Variants in EFCAB6 observed in about 807,000 individuals in gnomAD.
The protein encoded by EFCAB6 is EF-hand calcium-binding domain-containing protein 6.
EFCAB6 carries 156 observed loss-of-function variants against 169.8 expected under a neutral mutation model. The observed-to-expected ratio is 0.92, with a 90% confidence interval of 0.81 to 1.05. The LOEUF (loss-of-function observed/expected upper bound fraction) is 1.05, where lower values mean the gene tolerates loss of function less well. Among genes scored for constraint, EFCAB6 ranks in the 50% least tolerant of loss-of-function variants. The probability of loss-of-function intolerance (pLI) is 0.00; values close to 1 mark genes in which losing one functional copy is unlikely to be tolerated. For synonymous variants in EFCAB6, 698 were observed against 676.4 expected (o/e 1.03, Z -0.50); for missense variants, 1,800 against 1,829.1 (o/e 0.98, Z 0.29).
At chr22:43,547,001 T>C (rs2048096117) in intron 27 of EFCAB6, among the ~76,000 whole-genome samples, 1 of 151,862 alleles carries the variant, frequency 6.6e-6, no homozygotes, top group Non-Finnish European at 1.5e-5. Flanking sequence ...CTAAAGGAAA[T>C]ACTTCACGGA....
intron 23 of EFCAB6, among the ~76,000 whole-genome samples, chr22:43,590,981 G>A (rs367737254): frequency 6.6e-6 from 1 of 150,846 alleles, no homozygotes; most frequent in East Asian, 1.9e-4. Flanking sequence ...TGTTTTGTTT[G>A]TTTTTTTTTA....
intron 17 of EFCAB6, among the ~76,000 whole-genome samples, chr22:43,639,822 CTCTT>C (rs1447869111): frequency 2.0e-5 from 3 of 152,044 alleles, no homozygotes; most frequent in Non-Finnish European, 4.4e-5. Flanking sequence ...ACACTATTCT[CTCTT>C]TCTCTCTCTT....
intron 18 of EFCAB6, among the ~76,000 whole-genome samples, 175 bp from the exon 19 acceptor site, chr22:43,632,413 C>T (rs769002978): frequency 2.0e-5 from 3 of 151,738 alleles, no homozygotes; most frequent in Non-Finnish European, 4.4e-5. Context: ...GAGTCTCCTG[C>T]CTCAGCCTCC....
At chr22:43,681,470 G>T (rs1411411490) in intron 12 of EFCAB6, among the ~76,000 whole-genome samples, 1 of 152,186 alleles carries the variant, frequency 6.6e-6, no homozygotes, top group Non-Finnish European at 1.5e-5. Flanking sequence ...TGGCCTCAGA[G>T]AATGAGTCTG....
chr22:43,772,378 G>A (rs2061499409), intron 4 of EFCAB6, among the ~76,000 whole-genome samples: 2 of 152,200 alleles, frequency 1.3e-5, no homozygotes, highest in South Asian at 4.1e-4. Flanking sequence ...AGTGGCTCAT[G>A]CCTGTAATCC....
chr22:43,658,111 C>A (rs1299581972), intron 17 of EFCAB6, among the ~76,000 whole-genome samples: 1 of 152,064 alleles, frequency 6.6e-6, no homozygotes, highest in Non-Finnish European at 1.5e-5. Context: ...GACCTGTAAT[C>A]CCAGCTATTT....
intron 8 of EFCAB6, among the ~76,000 whole-genome samples, chr22:43,724,480 G>A (rs540392997): frequency 6.7e-6 from 1 of 149,132 alleles, no homozygotes; most frequent in African/African-American, 2.5e-5. Flanking sequence ...TGATTCTCCT[G>A]CCTCAGCCTC....
At chr22:43,733,521 T>C (rs1392501012) in intron 7 of EFCAB6, among the ~76,000 whole-genome samples, 1 of 152,114 alleles carries the variant, frequency 6.6e-6, no homozygotes, top group East Asian at 1.9e-4. Context: ...CCTCTTGTTT[T>C]ATGTAGGTTG....
At chr22:43,727,464 T>A (rs896256267) in intron 8 of EFCAB6, among the ~76,000 whole-genome samples, 84 of 152,174 alleles carry the variant, frequency 5.5e-4, no homozygotes, top group Admixed American at 6.5e-4. Context: ...TTAAAAATTC[T>A]TAAAATTGTA....
intron 20 of EFCAB6, among the ~76,000 whole-genome samples, chr22:43,624,893 A>G (rs969514772): frequency 1.3e-5 from 2 of 152,158 alleles, no homozygotes; most frequent in African/African-American, 4.8e-5. Flanking sequence ...GAAATTTTCC[A>G]TGTTCGTTCG....
At chr22:43,777,042 T>G (rs2061662725) in intron 3 of EFCAB6, among the ~76,000 whole-genome samples, 1 of 152,074 alleles carries the variant, frequency 6.6e-6, no homozygotes, top group Admixed American at 6.6e-5. Context: ...AGTAGACAGA[T>G]AGGAGACATG....
chr22:43,714,983 T>C (rs559115181), intron 9 of EFCAB6, among the ~76,000 whole-genome samples: 3 of 152,230 alleles, frequency 2.0e-5, no homozygotes, highest in Admixed American at 1.3e-4. Flanking sequence ...TAAACTCAGC[T>C]AAGGACAAAC....
intron 10 of EFCAB6, among the ~76,000 whole-genome samples, chr22:43,702,081 G>A (rs762431378): frequency 1.3e-5 from 2 of 152,152 alleles, no homozygotes; most frequent in Admixed American, 6.6e-5. Context: ...CACACACTAC[G>A]AGAAACAGAA....
At chr22:43,793,787 C>T (rs962699319) in intron 2 of EFCAB6, among the ~76,000 whole-genome samples, 1 of 147,698 alleles carries the variant, frequency 6.8e-6, no homozygotes, top group East Asian at 2.0e-4. Flanking sequence ...TTAAAGACTT[C>T]TCCCAACAGA....
intron 24 of EFCAB6, among the ~76,000 whole-genome samples, chr22:43,587,002 TA>T (rs2051120526): frequency 6.6e-6 from 1 of 152,154 alleles, no homozygotes; most frequent in African/African-American, 2.4e-5. Context: ...AATCACTTCC[TA>T]AAACAGAGGG....
chr22:43,702,976 G>A (rs1411504014), intron 10 of EFCAB6, among the ~76,000 whole-genome samples: 1 of 152,084 alleles, frequency 6.6e-6, no homozygotes, highest in African/African-American at 2.4e-5. Flanking sequence ...CAGCCTCAAA[G>A]CCCACCCCAA....
rs540411305 is a variant in EFCAB6, at chr22:43,638,878, C to T, written c.1984-3662G>A. 5.9e-5 allele frequency among the ~76,000 whole-genome samples: 9 copies of T among 151,550 alleles called. No individual in the cohort carries two copies. The East Asian group carries it at 1.4e-3, about 23-fold the overall frequency. On this transcript the variant is annotated intron_variant, in intron 17 of 31. Coordinates refer to ENST00000262726, the MANE Select transcript of EFCAB6 (RefSeq NM_022785.4). ...TCGGCTCACCGCAACCTCTGCCTCC[C>T]GGGTTCAAGCTATTCTCCTGCCTCA...
chr22:43,805,301 AT>A (rs1158864126), intron 2 of EFCAB6, among the ~76,000 whole-genome samples: 1 of 152,220 alleles, frequency 6.6e-6, no homozygotes, highest in Non-Finnish European at 1.5e-5. Flanking sequence ...ACCTAAAGCA[AT>A]TTACAGATTC....
intron 20 of EFCAB6, among the ~76,000 whole-genome samples, chr22:43,619,554 T>C (rs907333845): frequency 6.6e-6 from 1 of 152,058 alleles, no homozygotes; most frequent in African/African-American, 2.4e-5. Flanking sequence ...AGAGCAAACA[T>C]ACTTGAAAGA....
Sources: allele counts gnomAD v4.1 joint callset (sites outside exome capture counted in the v4.1 genomes callset), GRCh38; gene constraint gnomAD v4.1.1; transcripts MANE v1.5; gene names NCBI Gene and HGNC (gene_info 2026-07-23, HGNC 2026-07-21).